Variants in SERAC1 observed in about 807,000 individuals in gnomAD.
The protein encoded by SERAC1 is protein SERAC1.
SERAC1 carries 36 observed loss-of-function variants against 85.7 expected under a neutral mutation model. The observed-to-expected ratio is 0.42, with a 90% confidence interval of 0.32 to 0.55. The LOEUF is 0.55. SERAC1 is among the 20% of genes least tolerant of loss of function. The pLI is 0.11. For synonymous variants in SERAC1, 242 were observed against 265.3 expected (o/e 0.91, Z 0.85); for missense variants, 629 against 796.2 (o/e 0.79, Z 2.53).
chr6:158,122,410 T>C (rs1316330229), intron 10 of SERAC1, among the ~76,000 whole-genome samples: 1 of 152,208 alleles, frequency 6.6e-6, no homozygotes, highest in African/African-American at 2.4e-5. Flanking sequence ...CCAACTCCAT[T>C]TACATCCTCA....
intron 8 of SERAC1, among the ~76,000 whole-genome samples, chr6:158,137,436 A>C (rs1784819904): frequency 6.6e-6 from 1 of 152,150 alleles, no homozygotes; most frequent in Admixed American, 6.5e-5. Context: ...TACTAAAAAC[A>C]ATGTATTTAC....
At chr6:158,140,048 T>C (rs1426617577) in intron 8 of SERAC1, among the ~76,000 whole-genome samples, 1 of 152,202 alleles carries the variant, frequency 6.6e-6, no homozygotes, top group Non-Finnish European at 1.5e-5. Context: ...CCTAGGTATA[T>C]ACTCAAGAAA....
At chr6:158,128,496 G>A (rs1464988256) in intron 9 of SERAC1, among the ~76,000 whole-genome samples, 4 of 152,242 alleles carry the variant, frequency 2.6e-5, no homozygotes, top group African/African-American at 7.2e-5. Context: ...CTCTCACCAG[G>A]ACTACTAAAA....
At chr6:158,122,070 T>C (rs977881789) in intron 10 of SERAC1, among the ~76,000 whole-genome samples, 3 of 152,228 alleles carry the variant, frequency 2.0e-5, no homozygotes, top group Admixed American at 6.5e-5. Flanking sequence ...GCCTTTTCTA[T>C]GTTTAGCTGT....
chr6:158,139,549 G>A (rs532465995), intron 8 of SERAC1, among the ~76,000 whole-genome samples: 6 of 152,100 alleles, frequency 3.9e-5, no homozygotes, highest in African/African-American at 1.4e-4. Flanking sequence ...CTTCAAAAAG[G>A]ACAAGTAACC....
rs1254118854 is a variant in SERAC1, at chr6:158,128,194, T to C, written c.929A>G (p.Asp310Gly). 1 of 1,614,036 alleles carries C rather than the reference T, an allele frequency of 6.2e-7. No homozygotes were observed. The highest frequency in any genetic ancestry group is 1.3e-5 in the African/African-American group (1 of 74,932). The change falls in exon 10 of 17, where the codon GAC becomes GGC. Residue 310 changes from aspartate to glycine, a missense_variant. Transcript: ENST00000647468. ...LLQRLYRLHK[D>G]CPKVQRNIMR... ...TATATTTCTCTGTACTTTAGGGCAGTCCTTGTGAAGTCGGTACAGCCTCTG... is the reference window on the plus strand; with the variant it reads ...TATATTTCTCTGTACTTTAGGGCAGCCCTTGTGAAGTCGGTACAGCCTCTG...
intron 10 of SERAC1, among the ~76,000 whole-genome samples, chr6:158,123,204 G>A (rs1486061368): frequency 6.6e-6 from 1 of 152,192 alleles, no homozygotes; most frequent in African/African-American, 2.4e-5. Flanking sequence ...AGGGAGGACA[G>A]GATGTTATAG....
At chr6:158,147,985 C>G (rs1000880870) in intron 5 of SERAC1, among the ~76,000 whole-genome samples, 3 of 152,022 alleles carry the variant, frequency 2.0e-5, no homozygotes, top group African/African-American at 7.2e-5. Context: ...TCTTAAATAA[C>G]CACAATGCTA....
chr6:158,137,581 A>G (rs1784822823), intron 8 of SERAC1, among the ~76,000 whole-genome samples: 2 of 152,144 alleles, frequency 1.3e-5, no homozygotes. Context: ...CAATGCAATC[A>G]AAAGGTCATA....
At position 158,146,766 on chromosome 6, in the gene SERAC1, C is replaced by A; in HGVS notation, c.487+16G>T. On this transcript the variant is annotated intron_variant, in intron 6 of 16. Coordinates refer to ENST00000647468, the MANE Select transcript of SERAC1 (RefSeq NM_032861.4). ...GCCAGCTGAAGGCATGCCACCTGTT[C>A]AGGTAGTCTCATTACCATGCCAGTG... 2 of 1,612,754 alleles carry A rather than the reference C, an allele frequency of 1.2e-6. No individual in the cohort carries two copies.
chr6:158,154,555 G>T (rs765486373), intron 3 of SERAC1, among the ~76,000 whole-genome samples: 1 of 152,030 alleles, frequency 6.6e-6, no homozygotes, highest in Admixed American at 6.6e-5. Context: ...AATACAGTAC[G>T]ATAGTATTAC....
chr6:158,132,636 C>G (rs12524998), intron 8 of SERAC1, among the ~76,000 whole-genome samples: 24,000 of 152,154 alleles, frequency 0.16, 2,348 homozygotes, highest in Middle Eastern at 0.3. Flanking sequence ...TGATCTAGGA[C>G]TTTCATTTGT....
At chr6:158,161,242 G>T (rs1415281390) in intron 1 of SERAC1, 1 of 152,064 alleles carries the variant, frequency 6.6e-6, no homozygotes, top group African/African-American at 2.4e-5. Flanking sequence ...AATTAGCTGG[G>T]CCTGTTGGCA....
intron 14 of SERAC1, 116 bp downstream of exon 14, chr6:158,116,069 G>A (rs556220920): frequency 1.5e-5 from 11 of 740,710 alleles, no homozygotes; most frequent in Middle Eastern, 4.8e-4. Flanking sequence ...AATTTAGCAG[G>A]GGGGGTAAGG....
intron 14 of SERAC1, among the ~76,000 whole-genome samples, chr6:158,115,924 G>A (rs139834953): frequency 6.6e-5 from 10 of 152,300 alleles, no homozygotes; most frequent in African/African-American, 1.7e-4. Context: ...ATTCATTACC[G>A]CTATGTGAAA....
chr6:158,132,011 G>C (rs547025913), intron 8 of SERAC1, among the ~76,000 whole-genome samples: 9 of 152,064 alleles, frequency 5.9e-5, no homozygotes, highest in Non-Finnish European at 1.2e-4. Flanking sequence ...TGTAGAGAGA[G>C]AGAGTGTGTG....
At chr6:158,127,401 C>A (rs1435030109) in intron 10 of SERAC1, among the ~76,000 whole-genome samples, 6 of 46,914 alleles carry the variant, frequency 1.3e-4, no homozygotes, top group East Asian at 6.7e-4. Flanking sequence ...CCCGGCCAGC[C>A]GCCCCGTCCG....
At position 158,167,578 on chromosome 6, in the gene SERAC1, A is replaced by T. The variant is rs568774492; in HGVS notation, c.-2+562T>A. Among the ~76,000 whole-genome samples, 12 of 151,352 alleles carry T rather than the reference A, an allele frequency of 7.9e-5. No individual in the cohort carries two copies. The East Asian group carries it at 2.1e-3, about 27-fold the overall frequency. ...AAAGGCAGCATGAGCTTAATGCGGG[A>T]AGTACAATTTAACCTAAGGAACAGA... On this transcript the variant is annotated intron_variant, in intron 1 of 16. Transcript: ENST00000647468.
intron 13 of SERAC1, chr6:158,116,690 TG>T (rs1378775385): frequency 6.0e-6 from 1 of 166,718 alleles, no homozygotes; most frequent in Admixed American, 6.0e-5. Flanking sequence ...GGGTCAAATG[TG>T]GGTCTCCCTG....
Sources: gnomAD v4.1 joint callset for allele counts (sites outside exome capture counted in the v4.1 genomes callset) on GRCh38, gnomAD v4.1.1 for gene constraint, MANE v1.5 for transcripts, NCBI Gene and HGNC (gene_info 2026-07-23, HGNC 2026-07-21) for gene names.